The following ESRRG variants were observed in gnomAD, a reference collection of about 807,000 sequenced individuals.
ESRRG encodes estrogen related receptor gamma, also known as estrogen-related receptor gamma.
In ESRRG, 13 loss-of-function variants were observed where a neutral mutation model predicts 44.0. That is an observed-to-expected ratio of 0.30 (90% CI 0.19 to 0.47). ESRRG has a LOEUF of 0.47. Ranked by LOEUF, ESRRG falls within the 20% of genes least tolerant of loss-of-function variation. ESRRG has a pLI of 1.00. For missense variants in ESRRG, 395 were observed against 580.6 expected, an observed-to-expected ratio of 0.68 and a Z score of 3.29; for synonymous variants, 215 against 214.6, an observed-to-expected ratio of 1.00 and a Z score of -0.02.
chr1:216,638,813 T>G (rs531201811), intron 3 of ESRRG, among the ~76,000 whole-genome samples: 1 of 152,288 alleles, frequency 6.6e-6, no homozygotes, highest in South Asian at 2.1e-4. Context: ...ACTTACAATG[T>G]GTATTATTTG....
chr1:216,550,290 C>T (rs1275421653), intron 5 of ESRRG, among the ~76,000 whole-genome samples: 1 of 152,054 alleles, frequency 6.6e-6, no homozygotes, highest in African/African-American at 2.4e-5. Context: ...TTGCCAAAGA[C>T]AAGACGATGA....
chr1:216,780,227 C>T (rs183213343), intron 2 of ESRRG, among the ~76,000 whole-genome samples: 1 of 151,996 alleles, frequency 6.6e-6, no homozygotes, highest in East Asian at 1.9e-4. Flanking sequence ...ATTATGGATT[C>T]CAAGCTTAAC....
In ESRRG at chr1:216,505,959, A is replaced by G. The variant is rs1368257246; in HGVS notation, c.*980T>C. ...CTTCAGGATTCATTTGTCCTTCATT[A>G]TTGTTCGTAATTGTTCAAAGCCAGC... On this transcript the variant is annotated 3_prime_UTR_variant, in exon 7 of 7. Transcript: ENST00000408911. 1.3e-5 allele frequency: 2 copies of G among 152,622 alleles called. No individual in the cohort carries two copies. Among genetic ancestry groups the G allele is most frequent in the East Asian group, 3.8e-4 (2 of 5,202 alleles). The allele number at this position is 152,622 out of a possible 1,614,324, so 9.5% of individuals were successfully genotyped here. A position where few individuals can be genotyped will look rare whatever the true frequency, so the allele number is the denominator to read the frequency against.
chr1:216,954,378 T>A (rs56220608), intron 1 of ESRRG, among the ~76,000 whole-genome samples: 1 of 152,274 alleles, frequency 6.6e-6, no homozygotes, highest in East Asian at 1.9e-4. Flanking sequence ...TGTCCCTGCA[T>A]TGGGGCCATC....
chr1:216,627,830 T>G (rs2150606330), intron 3 of ESRRG, among the ~76,000 whole-genome samples: 1 of 151,748 alleles, frequency 6.6e-6, no homozygotes, highest in Non-Finnish European at 1.5e-5. Flanking sequence ...TTTTTTTTTC[T>G]TGTACTGAAT....
intron 1 of ESRRG, among the ~76,000 whole-genome samples, chr1:216,713,086 G>C (rs2083979122): frequency 6.6e-6 from 1 of 152,164 alleles, no homozygotes; most frequent in Non-Finnish European, 1.5e-5. Flanking sequence ...GTGTGTCACA[G>C]TGATCTCATT....
chr1:216,855,615 G>A (rs920841246), intron 2 of ESRRG, among the ~76,000 whole-genome samples: 1 of 152,120 alleles, frequency 6.6e-6, no homozygotes, highest in Non-Finnish European at 1.5e-5. Flanking sequence ...GGTCCAACAA[G>A]TCTGAGTCTG....
intron 2 of ESRRG, among the ~76,000 whole-genome samples, chr1:216,802,338 G>T (rs780090096): frequency 6.6e-6 from 1 of 152,104 alleles, no homozygotes; most frequent in African/African-American, 2.4e-5. Flanking sequence ...GTCAAACTGG[G>T]TATTTTTAGA....
intron 1 of ESRRG, among the ~76,000 whole-genome samples, chr1:216,987,377 C>T (rs987498272): frequency 6.6e-6 from 1 of 152,180 alleles, no homozygotes; most frequent in African/African-American, 2.4e-5. Context: ...GGAGAACAGT[C>T]ATTGCTGCTG....
chr1:216,504,433 G>C lies in ESRRG; in HGVS notation c.*2506C>G, dbSNP rs867093214. 6.6e-6 allele frequency: 1 copy of C among 152,504 alleles called. No individual in the cohort carries two copies. The highest frequency in any genetic ancestry group is 2.4e-5 in the African/African-American group (1 of 41,410). 9.4% of individuals were successfully genotyped at this position (152,504 alleles called of 1,614,324 possible). A position where few individuals can be genotyped will look rare whatever the true frequency, so the allele number is the denominator to read the frequency against. Reference sequence around the variant, plus strand: ...TTGACCATCTGAATGAATTGCTAATGATGATTTATCTAGAATCACACTACA... The same window carrying C: ...TTGACCATCTGAATGAATTGCTAATCATGATTTATCTAGAATCACACTACA... On this transcript the variant is annotated 3_prime_UTR_variant, in exon 7 of 7. Coordinates refer to ENST00000408911, the MANE Select transcript of ESRRG (RefSeq NM_001438.4).
At chr1:216,789,654 A>G (rs2094249604) in intron 2 of ESRRG, among the ~76,000 whole-genome samples, 1 of 152,256 alleles carries the variant, frequency 6.6e-6, no homozygotes, top group Non-Finnish European at 1.5e-5. Flanking sequence ...TAATATTTTC[A>G]TTTCACAAAG....
chr1:216,639,897 A>T (rs1187159164), intron 3 of ESRRG, among the ~76,000 whole-genome samples: 1 of 152,190 alleles, frequency 6.6e-6, no homozygotes, highest in Non-Finnish European at 1.5e-5. Context: ...GGGCTTTTAA[A>T]ATAGCAGAAG....
intron 1 of ESRRG, among the ~76,000 whole-genome samples, chr1:216,682,215 G>A (rs2077150021): frequency 6.6e-6 from 1 of 152,170 alleles, no homozygotes; most frequent in Non-Finnish European, 1.5e-5. Flanking sequence ...ATTCTCATAA[G>A]GAATGTGTGT....
intron 2 of ESRRG, among the ~76,000 whole-genome samples, chr1:216,870,777 G>T (rs1217149782): frequency 6.6e-6 from 1 of 151,646 alleles, no homozygotes; most frequent in East Asian, 1.9e-4. Context: ...CCTTTACATC[G>T]ATTTTTTTCA....
At chr1:216,593,531 T>G (rs546969985) in intron 3 of ESRRG, among the ~76,000 whole-genome samples, 1 of 152,210 alleles carries the variant, frequency 6.6e-6, no homozygotes, top group Non-Finnish European at 1.5e-5. Context: ...AACAGCCAAT[T>G]GTAAATAACT....
At chr1:216,528,315 T>G (rs149625229) in intron 5 of ESRRG, among the ~76,000 whole-genome samples, 153 of 152,330 alleles carry the variant, frequency 1.0e-3, no homozygotes, top group African/African-American at 3.5e-3. Flanking sequence ...TGCCTAAATT[T>G]ATTAACCTCA....
intron 3 of ESRRG, among the ~76,000 whole-genome samples, chr1:216,618,066 A>G (rs1420827314): frequency 6.6e-6 from 1 of 152,252 alleles, no homozygotes; most frequent in Non-Finnish European, 1.5e-5. Flanking sequence ...TGAAGTACTT[A>G]TTAGAGTATC....
At chr1:217,072,581 C>T (rs1430573654) in intron 1 of ESRRG, among the ~76,000 whole-genome samples, 1 of 152,198 alleles carries the variant, frequency 6.6e-6, no homozygotes, top group African/African-American at 2.4e-5. Flanking sequence ...CTCAGAATGG[C>T]TAAGCATCTT....
chr1:216,640,222 T>A (rs371103874), intron 3 of ESRRG, among the ~76,000 whole-genome samples: 4 of 152,264 alleles, frequency 2.6e-5, no homozygotes, highest in African/African-American at 9.6e-5. Flanking sequence ...CACTTAAGTC[T>A]GGTTTGCCAG....
Sources: gnomAD v4.1 joint callset for allele counts (sites outside exome capture counted in the v4.1 genomes callset) on GRCh38, gnomAD v4.1.1 for gene constraint, MANE v1.5 for transcripts, NCBI Gene and HGNC (gene_info 2026-07-23, HGNC 2026-07-21) for gene names.